Variants in EPG5 observed in about 807,000 individuals in gnomAD.
EPG5 encodes the protein ectopic P granules protein 5 homolog.
In EPG5, 159 loss-of-function variants were observed where a neutral mutation model predicts 302.7. That is an observed-to-expected ratio of 0.53 (90% CI 0.46 to 0.60). The LOEUF (loss-of-function observed/expected upper bound fraction) is 0.60. Among genes scored for constraint, EPG5 ranks in the 20% least tolerant of loss-of-function variants. The pLI is 0.00. For missense variants in EPG5, 2,896 were observed against 3,092.4 expected (o/e 0.94, Z 1.51); for synonymous variants, 1,158 against 1,136.8 (o/e 1.02, Z -0.37).
intron 7 of EPG5, among the ~76,000 whole-genome samples, chr18:45,945,488 G>C (rs2050767529): frequency 6.6e-6 from 1 of 152,150 alleles, no homozygotes; most frequent in Non-Finnish European, 1.5e-5. Flanking sequence ...TGAATATTTA[G>C]GGAGTGCTAA....
At chr18:45,845,980 T>C (rs1054461213), downstream of EPG5, among the ~76,000 whole-genome samples, 7 of 152,268 alleles carry the variant, frequency 4.6e-5, no homozygotes, top group African/African-American at 1.7e-4. Flanking sequence ...GGAAATGAGT[T>C]GGCTGGAGAC....
At chr18:45,863,704 T>C (rs1209445986) in intron 39 of EPG5, among the ~76,000 whole-genome samples, 1 of 152,230 alleles carries the variant, frequency 6.6e-6, no homozygotes, top group African/African-American at 2.4e-5. Context: ...CATAGCACAT[T>C]GAAGTTGTTA....
chr18:45,825,813 C>T, the EPG5 span: 19 of 1,613,012 alleles, frequency 1.2e-5, no homozygotes, highest in East Asian at 6.7e-5. Context: ...GGCCCATGCT[C>T]GGGACAGAAT....
intron 6 of EPG5, 40 bp from the exon 7 acceptor site, chr18:45,946,808 G>T: frequency 6.8e-7 from 1 of 1,478,282 alleles, no homozygotes; most frequent in Non-Finnish European, 9.5e-7. Flanking sequence ...CTTAGATGTA[G>T]GCTACGTGAG....
chr18:45,815,720 A>G, the EPG5 span, among the ~76,000 whole-genome samples: 287 of 152,348 alleles, frequency 1.9e-3, no homozygotes, highest in Non-Finnish European at 2.3e-3. Context: ...TACTGCCAAA[A>G]GCAATCTACA....
At chr18:45,881,262 G>C (rs751645062) in intron 31 of EPG5, among the ~76,000 whole-genome samples, 17 of 152,132 alleles carry the variant, frequency 1.1e-4, no homozygotes, top group African/African-American at 3.6e-4. Context: ...CTCTTTAAAA[G>C]ATTTCAGGGA....
At chr18:45,960,917 T>C (rs1315717560) in intron 1 of EPG5, among the ~76,000 whole-genome samples, 11 of 152,106 alleles carry the variant, frequency 7.2e-5, no homozygotes, top group Admixed American at 7.2e-4. Context: ...TGGATTCACA[T>C]GTCCAAGGCT....
At position 45,876,272 on chromosome 18, in the gene EPG5, T is replaced by C. The variant is rs1419966168; in HGVS notation, c.6013A>G (p.Thr2005Ala). 6.2e-7 allele frequency: 1 copy of C among 1,613,922 alleles called. No homozygotes were observed. The highest frequency in any genetic ancestry group is 8.5e-7 in the Non-Finnish European group (1 of 1,179,926). Residue 2005 changes from threonine to alanine, a missense_variant, in exon 35 of 44, where the codon ACT becomes GCT. Physicochemically the swap from Thr to Ala is moderately conservative, Grantham distance 58. This residue lies in a region of EPG5 where 32 missense variants were observed against 58.4 expected (regional missense o/e 0.55). Coordinates refer to ENST00000282041, the MANE Select transcript of EPG5 (RefSeq NM_020964.3). ...TCATGCAGTGAGTCAATACAGTCAG[T>C]GAACAGCTGCACAATGCTTGAGGCC... ...VVASSIVQLF[T>A]DCIDSLHESF...
chr18:45,898,057 G>A (rs1350346307), intron 27 of EPG5, among the ~76,000 whole-genome samples: 1 of 152,178 alleles, frequency 6.6e-6, no homozygotes, highest in Non-Finnish European at 1.5e-5. Flanking sequence ...AATACAGTGC[G>A]GTGATTAATG....
intron 42 of EPG5, 79 bp from the exon 43 acceptor site, chr18:45,855,766 G>A (rs994515774): frequency 4.5e-6 from 4 of 887,598 alleles, no homozygotes; most frequent in Non-Finnish European, 7.4e-6. Flanking sequence ...TATTTTCTAT[G>A]ACATAAAAAG....
chr18:45,882,511 G>A, intron 30 of EPG5, 24 bp from the exon 31 acceptor site: 1 of 1,589,858 alleles, frequency 6.3e-7, no homozygotes, highest in East Asian at 2.2e-5. Flanking sequence ...GAAACAAAAA[G>A]CCGTTTTATT....
rs2048420059 is a variant in EPG5, at chr18:45,851,327, G to A, written c.*1140C>T. On this transcript the variant is annotated 3_prime_UTR_variant, in exon 44 of 44. Coordinates refer to ENST00000282041, the MANE Select transcript of EPG5 (RefSeq NM_020964.3). ...GAAGTCAAACTGCTCATTCCCAGGA[G>A]AAATAACATGAGCAAGAAGATGGCC... 1 of 152,152 alleles carries A rather than the reference G, an allele frequency of 6.6e-6. No homozygotes were observed. Among genetic ancestry groups the A allele is most frequent in the South Asian group, 2.1e-4 (1 of 4,822 alleles). The allele number at this position is 152,152 out of a possible 1,614,324, so 9.4% of individuals were successfully genotyped here.
At chr18:45,865,156 A>G (rs1408159394) in intron 39 of EPG5, among the ~76,000 whole-genome samples, 1 of 152,088 alleles carries the variant, frequency 6.6e-6, no homozygotes, top group Non-Finnish European at 1.5e-5. Flanking sequence ...TTGCCACTCC[A>G]CTAATAAATT....
chr18:45,942,332 G>A (rs940320689), intron 9 of EPG5, among the ~76,000 whole-genome samples: 1 of 152,194 alleles, frequency 6.6e-6, no homozygotes, highest in African/African-American at 2.4e-5. Flanking sequence ...GCCAGGCACG[G>A]TGGCTCACAC....
chr18:45,852,756 T>C, intron 43 of EPG5, 107 bp from the exon 44 acceptor site: 3 of 1,007,190 alleles, frequency 3.0e-6, no homozygotes, highest in Non-Finnish European at 4.4e-6. Context: ...GTGAGCCTTG[T>C]GGGAAGGAGG....
the EPG5 span, chr18:45,839,138 G>A: frequency 1.2e-5 from 16 of 1,354,942 alleles, no homozygotes; most frequent in Admixed American, 4.1e-5. Context: ...GGGCCGGGCC[G>A]GGGCTCTCTG....
intron 30 of EPG5, among the ~76,000 whole-genome samples, chr18:45,884,006 G>A (rs1015943902): frequency 6.6e-6 from 1 of 151,810 alleles, no homozygotes; most frequent in South Asian, 2.1e-4. Context: ...AAATATGAGA[G>A]AGACTAACAA....
At chr18:45,940,804 TAAAAG>T (rs2050649534) in intron 9 of EPG5, among the ~76,000 whole-genome samples, 2 of 151,948 alleles carry the variant, frequency 1.3e-5, no homozygotes, top group Admixed American at 1.3e-4. Context: ...ATGTGGGGTA[TAAAAG>T]AAAGAAAAGC....
intron 27 of EPG5, among the ~76,000 whole-genome samples, chr18:45,892,387 T>G (rs1382445096): frequency 6.6e-6 from 1 of 152,192 alleles, no homozygotes; most frequent in Admixed American, 6.5e-5. Flanking sequence ...TGGAAGCCCC[T>G]CCACTTGAGT....
Sources: gnomAD v4.1 joint callset for allele counts (sites outside exome capture counted in the v4.1 genomes callset) on GRCh38, gnomAD v4.1.1 for gene constraint, gnomAD v4.1.1 regional missense constraint, MANE v1.5 for transcripts, NCBI Gene and HGNC (gene_info 2026-07-23, HGNC 2026-07-21) for gene names.